Variants in SMAD1 observed in about 807,000 individuals in gnomAD.
SMAD1 encodes the protein MAD, mothers against decapentaplegic homolog 1.
In SMAD1, 6 loss-of-function variants were observed where a neutral mutation model predicts 41.6. That is an observed-to-expected ratio of 0.14 (90% CI 0.08 to 0.28). The LOEUF is 0.28. SMAD1 is among the 10% of genes least tolerant of loss of function. The probability of loss-of-function intolerance (pLI) is 1.00; values close to 1 mark genes in which losing one functional copy is unlikely to be tolerated. For synonymous variants in SMAD1, 206 were observed against 203.2 expected (o/e 1.01, Z -0.12); for missense variants, 379 against 582.6 (o/e 0.65, Z 3.60).
chr4:145,495,027 G>A (rs2126947654), intron 1 of SMAD1, among the ~76,000 whole-genome samples: 1 of 152,280 alleles, frequency 6.6e-6, no homozygotes, highest in East Asian at 1.9e-4. Flanking sequence ...GGCCTGAGGT[G>A]CTTAGATTGC....
intron 1 of SMAD1, among the ~76,000 whole-genome samples, chr4:145,485,281 G>C (rs1420230785): frequency 6.6e-6 from 1 of 152,124 alleles, no homozygotes. Context: ...TCGTCATGTT[G>C]CCCAGGCTGG....
chr4:145,520,528 T>A (rs2126441363), intron 2 of SMAD1, among the ~76,000 whole-genome samples: 1 of 152,344 alleles, frequency 6.6e-6, no homozygotes. Flanking sequence ...TTGTCTTGAA[T>A]TCAGAAGAGA....
intron 1 of SMAD1, among the ~76,000 whole-genome samples, chr4:145,504,496 C>A (rs1258551180): frequency 6.6e-6 from 1 of 152,146 alleles, no homozygotes; most frequent in African/African-American, 2.4e-5. Flanking sequence ...TTGTTAGGAA[C>A]CATTTACAAT....
At chr4:145,507,077 T>G (rs1315508061) in intron 1 of SMAD1, among the ~76,000 whole-genome samples, 1 of 152,104 alleles carries the variant, frequency 6.6e-6, no homozygotes, top group East Asian at 1.9e-4. Context: ...AACTACATTA[T>G]ATTTTTTTTG....
Position 145,482,149 on chromosome 4 carries a change from C to A in SMAD1, c.-177+111C>A. 1 of 151,922 alleles carries A rather than the reference C, an allele frequency of 6.6e-6. No homozygotes were observed. The highest frequency in any genetic ancestry group is 1.5e-5 in the Non-Finnish European group (1 of 67,952). The allele number at this position is 151,922 out of a possible 1,614,324, so 9.4% of individuals were successfully genotyped here. A position where few individuals can be genotyped will look rare whatever the true frequency, so the allele number is the denominator to read the frequency against. Reference sequence around the variant, plus strand: ...CGCCGCCGTCTCTGCACGCGTGGGGCCGCCGCGGTCGTGCTGGGCTGGGGG... The same window carrying A: ...CGCCGCCGTCTCTGCACGCGTGGGGACGCCGCGGTCGTGCTGGGCTGGGGG... On this transcript the variant is annotated intron_variant, in intron 1 of 6. Coordinates refer to ENST00000302085, the MANE Select transcript of SMAD1 (RefSeq NM_005900.3). The surrounding 1 kb of genome is among the most constrained non-coding windows in gnomAD (Gnocchi z 4.2).
At chr4:145,522,878 C>G (rs555378932) in intron 2 of SMAD1, among the ~76,000 whole-genome samples, 4 of 151,978 alleles carry the variant, frequency 2.6e-5, no homozygotes, top group African/African-American at 9.6e-5. Flanking sequence ...CGGGGTTTCT[C>G]CATATGGCCA....
Position 145,483,384 on chromosome 4 carries a change from C to G in SMAD1, c.-177+1346C>G, listed in dbSNP as rs185428743. On this transcript the variant is annotated intron_variant, in intron 1 of 6. Transcript: ENST00000302085. The stretch of plus-strand genomic sequence containing the variant: ...TAATTGCCTGTTGTGGATAACTTGC[C>G]CACACCTCAGTAACACAATGAGAAA... Among the ~76,000 whole-genome samples, 1,107 of 152,244 alleles carry G rather than the reference C, an allele frequency of 7.3e-3. 10 individuals carry two copies. Among genetic ancestry groups the G allele is most frequent in the Middle Eastern group, 0.034 (10 of 294 alleles).
chr4:145,516,271 A>G (rs1240412054), intron 2 of SMAD1, among the ~76,000 whole-genome samples: 1 of 152,180 alleles, frequency 6.6e-6, no homozygotes, highest in Non-Finnish European at 1.5e-5. Flanking sequence ...AATGTTACAT[A>G]ATATTGGAGT....
chr4:145,554,675 C>G (rs1732741520), intron 6 of SMAD1, among the ~76,000 whole-genome samples: 1 of 152,064 alleles, frequency 6.6e-6, no homozygotes, highest in South Asian at 2.1e-4. Context: ...AATAATTGAT[C>G]TTTTTGCTGT....
chr4:145,504,203 G>A (rs556399893), intron 1 of SMAD1, among the ~76,000 whole-genome samples: 19 of 152,142 alleles, frequency 1.2e-4, no homozygotes, highest in Non-Finnish European at 1.9e-4. Context: ...CCAAGAACCC[G>A]TAAGGACTTT....
intron 6 of SMAD1, 132 bp from the exon 7 acceptor site, chr4:145,557,659 C>T (rs1732916773): frequency 3.2e-6 from 2 of 621,212 alleles, no homozygotes; most frequent in African/African-American, 1.9e-5. Context: ...TTTTTCTCCC[C>T]AGGGGCGGGG....
At chr4:145,535,443 T>G (rs748204354) in intron 2 of SMAD1, among the ~76,000 whole-genome samples, 2 of 152,188 alleles carry the variant, frequency 1.3e-5, no homozygotes, top group Non-Finnish European at 2.9e-5. Context: ...TGGCCAGATA[T>G]GGGAGATTGT....
chr4:145,494,597 A>G (rs1728962471), intron 1 of SMAD1, among the ~76,000 whole-genome samples: 1 of 152,232 alleles, frequency 6.6e-6, no homozygotes, highest in Non-Finnish European at 1.5e-5. Context: ...TACCACCACA[A>G]AGATGCCTGG....
intron 1 of SMAD1, among the ~76,000 whole-genome samples, chr4:145,495,171 G>A (rs1728998240): frequency 6.6e-6 from 1 of 152,106 alleles, no homozygotes; most frequent in South Asian, 2.1e-4. Flanking sequence ...TAGAGGCCAG[G>A]GATGCAGCCA....
chr4:145,557,731 C>G, intron 6 of SMAD1, 60 bp from the exon 7 acceptor site: 1 of 1,340,306 alleles, frequency 7.5e-7, no homozygotes. Flanking sequence ...ACTCTTCTTA[C>G]TTAATAAGTT....
At chr4:145,543,002 T>G (rs1335812543) in intron 4 of SMAD1, among the ~76,000 whole-genome samples, 1 of 152,062 alleles carries the variant, frequency 6.6e-6, no homozygotes, top group Admixed American at 6.6e-5. Flanking sequence ...GAGACGGAGT[T>G]TTGCTCTGGT....
chr4:145,541,700 G>C (rs574241570), intron 3 of SMAD1, among the ~76,000 whole-genome samples: 33 of 152,152 alleles, frequency 2.2e-4, no homozygotes, highest in Non-Finnish European at 4.0e-4. Context: ...GTTTGTATTT[G>C]ACAGTTGCTC....
intron 5 of SMAD1, among the ~76,000 whole-genome samples, chr4:145,549,714 A>G (rs1168648580): frequency 6.6e-6 from 1 of 152,230 alleles, no homozygotes; most frequent in Non-Finnish European, 1.5e-5. Context: ...AGATGCTTTA[A>G]AAGCACTCAA....
intron 5 of SMAD1, among the ~76,000 whole-genome samples, chr4:145,552,075 AAACT>A (rs1732581269): frequency 6.6e-6 from 1 of 152,238 alleles, no homozygotes; most frequent in African/African-American, 2.4e-5. Context: ...ACAGTGTATC[AAACT>A]ATTAATAATT....
Sources: gnomAD v4.1 joint callset for allele counts (sites outside exome capture counted in the v4.1 genomes callset) on GRCh38, gnomAD v4.1.1 for gene constraint, Gnocchi (gnomAD v3.1) non-coding constraint, MANE v1.5 for transcripts, NCBI Gene and HGNC (gene_info 2026-07-23, HGNC 2026-07-21) for gene names.